Variants in GLRA1 observed in about 807,000 individuals in gnomAD.
The protein encoded by GLRA1 is glycine receptor alpha 1, also known as glycine receptor subunit alpha-1.
GLRA1 carries 37 observed loss-of-function variants against 48.3 expected under a neutral mutation model. The observed-to-expected ratio is 0.77, with a 90% CI of 0.59 to 1.01. GLRA1 has a LOEUF of 1.01. Among genes scored for constraint, GLRA1 ranks in the 50% least tolerant of loss-of-function variants. The pLI is 0.00. For synonymous variants in GLRA1, 196 were observed against 210.7 expected (o/e 0.93, Z 0.60); for missense variants, 427 against 571.0 (o/e 0.75, Z 2.57).
At chr5:151,838,312 A>G (rs1763625860) in intron 7 of GLRA1, among the ~76,000 whole-genome samples, 1 of 152,100 alleles carries the variant, frequency 6.6e-6, no homozygotes, top group South Asian at 2.1e-4. Flanking sequence ...TACTAAAAAT[A>G]GAAAAAATTA....
intron 1 of GLRA1, among the ~76,000 whole-genome samples, chr5:151,901,788 T>C (rs949037757): frequency 5.3e-5 from 8 of 152,238 alleles, no homozygotes; most frequent in African/African-American, 1.7e-4. Flanking sequence ...CATGATACTT[T>C]ACATATTTCA....
chr5:151,859,285 G>T (rs545795298), intron 4 of GLRA1, among the ~76,000 whole-genome samples: 2 of 152,244 alleles, frequency 1.3e-5, no homozygotes, highest in African/African-American at 4.8e-5. Flanking sequence ...ATATCTCAAG[G>T]ATACTCCACA....
At chr5:151,924,203 G>C (rs946137516) in intron 1 of GLRA1, among the ~76,000 whole-genome samples, 3 of 151,964 alleles carry the variant, frequency 2.0e-5, no homozygotes, top group African/African-American at 7.3e-5. Flanking sequence ...GACCAATAGT[G>C]GGGGGTGTAG....
In GLRA1 at chr5:151,856,289, C is replaced by T. The variant is rs779606455; in HGVS notation, c.559+12G>A. 19 of 1,588,224 alleles carry T rather than the reference C, an allele frequency of 1.2e-5. 1 individual carries two copies. The Admixed American group carries it at 2.8e-4, about 24-fold the overall frequency. On this transcript the variant is annotated intron_variant, in intron 5 of 8. Transcript: ENST00000274576. ...CCTGGTTCTTTCTAGAGGACTCATG[C>T]AAGACACTCACAGCTTTCCAGTTGC...
Position 151,914,333 on chromosome 5 carries a change from CTGGGCTGGA to C in GLRA1, c.56+10152_56+10160del, listed in dbSNP as rs1329446858. ...GCCCTTTCTGCTCCCCTTGCCTTGT[CTGGGCTGGA>C]TGTGGTTTTCTGGCTTAGAGATGTT... On this transcript the variant is annotated intron_variant, in intron 1 of 8. Transcript: ENST00000274576. Among the ~76,000 whole-genome samples the C allele has an allele frequency of 5.9e-5, 9 of 152,260 alleles. No homozygotes were observed. The South Asian group carries it at 1.0e-3, about 18-fold the overall frequency.
chr5:151,924,307 G>A (rs1276765338), intron 1 of GLRA1, among the ~76,000 whole-genome samples, 187 bp downstream of exon 1: 1 of 151,510 alleles, frequency 6.6e-6, no homozygotes, highest in African/African-American at 2.4e-5. Flanking sequence ...GACACCCTGC[G>A]GGCGGGGGTG....
At chr5:151,877,497 TAAC>T (rs1156799508) in intron 3 of GLRA1, among the ~76,000 whole-genome samples, 1 of 151,384 alleles carries the variant, frequency 6.6e-6, no homozygotes, top group Non-Finnish European at 1.5e-5. Flanking sequence ...AACAAGCAAA[TAAC>T]AAAAACAAAA....
intron 3 of GLRA1, among the ~76,000 whole-genome samples, chr5:151,871,928 T>C (rs1753497289): frequency 6.7e-6 from 1 of 149,642 alleles, no homozygotes; most frequent in Non-Finnish European, 1.5e-5. Context: ...AAGAAAGGGC[T>C]GAAAGCGTTA....
intron 2 of GLRA1, 43 bp downstream of exon 2, chr5:151,892,268 G>T: frequency 6.3e-7 from 1 of 1,597,968 alleles, no homozygotes; most frequent in Non-Finnish European, 8.6e-7. Context: ...CTTTAATCTG[G>T]GAAAGCATTT....
chr5:151,861,407 T>A (rs1219141262), intron 3 of GLRA1, among the ~76,000 whole-genome samples: 3 of 152,204 alleles, frequency 2.0e-5, no homozygotes, highest in South Asian at 2.1e-4. Flanking sequence ...TGACTTTTTA[T>A]TGATTGTCAT....
intron 3 of GLRA1, among the ~76,000 whole-genome samples, chr5:151,876,062 A>C (rs1753621381): frequency 6.6e-6 from 1 of 152,212 alleles, no homozygotes; most frequent in African/African-American, 2.4e-5. Context: ...CTAACACCTC[A>C]CATTCTTTTC....
intron 6 of GLRA1, among the ~76,000 whole-genome samples, chr5:151,854,226 C>G (rs1752979077): frequency 6.6e-6 from 1 of 152,218 alleles, no homozygotes; most frequent in Non-Finnish European, 1.5e-5. Context: ...TGAGGTGACT[C>G]AGAAAGAGGC....
At chr5:151,866,983 C>T (rs371359146) in intron 3 of GLRA1, among the ~76,000 whole-genome samples, 69 of 152,070 alleles carry the variant, frequency 4.5e-4, no homozygotes, top group African/African-American at 2.4e-4. Context: ...TGGTGGTGCA[C>T]GACTGTAGTC....
rs928147011 is a variant in GLRA1 at position 151,833,158 on chromosome 5, A to G, written c.913-4091T>C. ...AGAACTCCTGAAGGAAGCACTAAAC[A>G]TGGAAAGGAACAACCGGTACCAGCC... On this transcript the variant is annotated intron_variant, in intron 7 of 8. Coordinates refer to ENST00000274576, the MANE Select transcript of GLRA1 (RefSeq NM_000171.4). Among the ~76,000 whole-genome samples, 4 of 152,250 alleles carry G rather than the reference A, an allele frequency of 2.6e-5. 1 individual carries two copies. In the South Asian group the frequency reaches 6.2e-4, roughly 24 times the overall value.
At chr5:151,849,755 T>A (rs534118873) in intron 7 of GLRA1, 63 of 440,008 alleles carry the variant, frequency 1.4e-4, no homozygotes, top group African/African-American at 1.3e-3. Flanking sequence ...GGTTTCACTA[T>A]GTTGGCCAGG....
At chr5:151,909,811 A>T (rs998718824) in intron 1 of GLRA1, among the ~76,000 whole-genome samples, 24 of 151,886 alleles carry the variant, frequency 1.6e-4, no homozygotes, top group African/African-American at 5.8e-4. Flanking sequence ...TTTACTGTTG[A>T]CTTTGGACAA....
At chr5:151,845,280 G>T (rs1252496993) in intron 7 of GLRA1, among the ~76,000 whole-genome samples, 1 of 152,008 alleles carries the variant, frequency 6.6e-6, no homozygotes, top group African/African-American at 2.4e-5. Context: ...TCTAAACCAC[G>T]GCACATAGAA....
At chr5:151,893,036 C>A (rs768740252) in intron 1 of GLRA1, among the ~76,000 whole-genome samples, 1 of 152,180 alleles carries the variant, frequency 6.6e-6, no homozygotes, top group Non-Finnish European at 1.5e-5. Context: ...ATATACTTCA[C>A]AAAATCTCAC....
intron 3 of GLRA1, among the ~76,000 whole-genome samples, chr5:151,874,224 G>T (rs1753566446): frequency 6.6e-6 from 1 of 152,156 alleles, no homozygotes; most frequent in Non-Finnish European, 1.5e-5. Flanking sequence ...CCATCAGGGT[G>T]CTCTCCTCAG....
Sources: allele counts gnomAD v4.1 joint callset (sites outside exome capture counted in the v4.1 genomes callset), GRCh38; gene constraint gnomAD v4.1.1; transcripts MANE v1.5; gene names NCBI Gene and HGNC (gene_info 2026-07-23, HGNC 2026-07-21).